KDM5B: variants seen among roughly 807,000 people sequenced by gnomAD.
The protein encoded by KDM5B is lysine demethylase 5B, also known as lysine-specific demethylase 5B.
Under a neutral mutation model 193.4 loss-of-function variants are expected in KDM5B, and 144 were observed. The ratio of observed to expected loss-of-function variants is 0.74; its 90% CI spans 0.65 to 0.86. KDM5B has a LOEUF of 0.86. Among genes scored for constraint, KDM5B ranks in the 40% least tolerant of loss-of-function variants. The pLI, the probability that KDM5B is intolerant of heterozygous loss-of-function variation, is 0.00. For synonymous variants in KDM5B, 668 were observed against 682.6 expected (o/e 0.98, Z 0.33); for missense variants, 1,833 against 1,886.9 (o/e 0.97, Z 0.53).
rs1047919808 is a variant in KDM5B, at chr1:202,794,154, G to T, written c.204+13948C>A. On this transcript the variant is annotated intron_variant, in intron 1 of 26. Transcript: ENST00000367265. The stretch of plus-strand genomic sequence containing the variant: ...AGATAACAGAATACAAATCCTAAGG[G>T]CTCCTACCTCCCATCTCTTCCAAGT... Among the ~76,000 whole-genome samples, 3 of 152,070 alleles carry T rather than the reference G, an allele frequency of 2.0e-5. No individual in the cohort carries two copies. The East Asian group carries it at 5.8e-4, about 29-fold the overall frequency.
At chr1:202,776,898 A>C (rs1656980804) in intron 2 of KDM5B, 119 bp downstream of exon 2, 5 of 747,558 alleles carry the variant, frequency 6.7e-6, no homozygotes, top group Non-Finnish European at 1.2e-5. Flanking sequence ...TATTTGCTCA[A>C]ATACAAATCT....
At chr1:202,805,458 T>C (rs577243570) in intron 1 of KDM5B, among the ~76,000 whole-genome samples, 23 of 152,318 alleles carry the variant, frequency 1.5e-4, no homozygotes, top group Admixed American at 2.0e-4. Context: ...TTAAGTACCA[T>C]TGGTAAAGAT....
chr1:202,726,810 T>TGATG lies in KDM5B; in HGVS notation c.*2222_*2225dup, dbSNP rs1188502556. 6.6e-6 allele frequency: 1 copy of TGATG among 152,190 alleles called. No individual in the cohort carries two copies. Among genetic ancestry groups the TGATG allele is most frequent in the African/African-American group, 2.4e-5 (1 of 41,442 alleles). The allele number at this position is 152,190 out of a possible 1,614,324, so 9.4% of individuals were successfully genotyped here. A position where few individuals can be genotyped will look rare whatever the true frequency, so the allele number is the denominator to read the frequency against. ...ACGTTATCTGTGTTCATTAGTAGTGTGATGGTGTACAAGGTAGGAGGAATA... is the reference window on the plus strand; with the variant it reads ...ACGTTATCTGTGTTCATTAGTAGTGTGATGGATGGTGTACAAGGTAGGAGGAATA... On this transcript the variant is annotated 3_prime_UTR_variant, in exon 27 of 27. Transcript: ENST00000367265.
chr1:202,746,153 T>C lies in KDM5B; in HGVS notation c.2187A>G (p.Lys729=), dbSNP rs1383772816. 1 of 1,608,002 alleles carries C rather than the reference T, an allele frequency of 6.2e-7. No individual in the cohort carries two copies. Among genetic ancestry groups the C allele is most frequent in the Admixed American group, 1.7e-5 (1 of 57,810 alleles). The change falls in exon 15 of 27, where the codon AAA becomes AAG. Residue 729 remains lysine (K), a synonymous_variant. Transcript: ENST00000367265. ...TTCTTCCTACTTACCGCAATTTATA[T>C]TTGTAAGGAGGACAGGAACACAATT... is the stretch of plus-strand genomic sequence containing the variant. ...VKELCSCPPY[K]YKLRYRYTLD... is the part of the protein sequence containing the mutation.
chr1:202,775,880 AT>A (rs1449439471), intron 2 of KDM5B, among the ~76,000 whole-genome samples: 11,948 of 61,606 alleles, frequency 0.19, 1,129 homozygotes, highest in Middle Eastern at 0.26. Flanking sequence ...AAAAAAAAAA[AT>A]ATATATATAT....
intron 6 of KDM5B, among the ~76,000 whole-genome samples, chr1:202,763,406 G>GGTTA (rs1190936895): frequency 1.2e-4 from 18 of 152,130 alleles, no homozygotes; most frequent in African/African-American, 3.4e-4. Context: ...ACATCTCTAA[G>GGTTA]GTTACATAAC....
rs971208277 is a variant in KDM5B at position 202,762,763 on chromosome 1, T to C, written c.854A>G (p.Lys285Arg). The C allele has an allele frequency of 8.1e-6, 13 of 1,612,222 alleles. No homozygotes were observed. The African/African-American group carries it at 1.5e-4, about 18-fold the overall frequency. ...CTTCTCATTTTCTACAATATAATCT[T>C]TCCTCTCAATAGGTTCTTGCTTGAT... The part of the protein sequence containing the change: ...SSIKQEPIER[K>R]DYIVENEKEK... The change falls in exon 7 of 27, where the codon AAA becomes AGA. Residue 285 changes from lysine (K) to arginine (R), a missense_variant. Lys to Arg is a conservative substitution (Grantham distance 26). Around this residue, in one of 3 missense-constraint regions of KDM5B, gnomAD observed 355 missense variants for 374.9 expected, o/e 0.95. Coordinates refer to ENST00000367265, the MANE Select transcript of KDM5B (RefSeq NM_006618.5).
At position 202,764,050 on chromosome 1, in the gene KDM5B, A is replaced by G. The variant is rs61749325; in HGVS notation, c.807T>C (p.Asn269=). ...RMGCPTPKCE[N]EKEMKSSIKQ... ...CTATTCATTGACAAATTTTCTTACC[A>G]TTTTCACATTTTGGAGTTGGACAAC... Residue 269 remains asparagine, a splice_region_variant and synonymous_variant, in exon 6 of 27, where the codon AAT becomes AAC. Transcript: ENST00000367265. The G allele has an allele frequency of 0.027, 41,684 of 1,530,616 alleles. 650 individuals are homozygous for G. Among genetic ancestry groups the G allele is most frequent in the Non-Finnish European group, 0.031 (34,496 of 1,122,372 alleles). 94.8% of individuals were successfully genotyped at this position (1,530,616 alleles called of 1,614,324 possible). A position where few individuals can be genotyped will look rare whatever the true frequency, so the allele number is the denominator to read the frequency against.
At chr1:202,776,878 GAAAT>G (rs1270648210) in intron 2 of KDM5B, 135 bp downstream of exon 2, 1 of 671,274 alleles carries the variant, frequency 1.5e-6, no homozygotes, top group African/African-American at 1.8e-5. Flanking sequence ...TCTACAGAAA[GAAAT>G]GTTCTTATTT....
intron 1 of KDM5B, among the ~76,000 whole-genome samples, chr1:202,794,485 T>C (rs976476283): frequency 6.6e-6 from 1 of 152,226 alleles, no homozygotes; most frequent in Non-Finnish European, 1.5e-5. Flanking sequence ...GTCAAGCCAG[T>C]GAGATGGCAA....
At chr1:202,732,057 A>AC in intron 23 of KDM5B, 118 bp from the exon 24 acceptor site, 4 of 636,746 alleles carry the variant, frequency 6.3e-6, no homozygotes, top group Admixed American at 3.3e-5. Context: ...AAAAAAAAAA[A>AC]CAACTTGATT....
At chr1:202,798,828 C>T (rs962116069) in intron 1 of KDM5B, among the ~76,000 whole-genome samples, 7 of 152,090 alleles carry the variant, frequency 4.6e-5, no homozygotes, top group African/African-American at 1.4e-4. Flanking sequence ...TCGAACCAGC[C>T]TCGGCAACAC....
At chr1:202,804,999 A>G (rs1427378677) in intron 1 of KDM5B, among the ~76,000 whole-genome samples, 2 of 152,212 alleles carry the variant, frequency 1.3e-5, no homozygotes, top group African/African-American at 4.8e-5. Context: ...GTATTTACTG[A>G]GCAGCCAACT....
chr1:202,756,649 G>C, intron 9 of KDM5B, 133 bp from the exon 10 acceptor site: 1 of 582,152 alleles, frequency 1.7e-6, no homozygotes, highest in Non-Finnish European at 2.7e-6. Context: ...TTGATCTTAG[G>C]CAATTCAGGA....
chr1:202,763,998 AT>A (rs752606946), intron 6 of KDM5B, 50 bp downstream of exon 6: 1 of 1,028,334 alleles, frequency 9.7e-7, no homozygotes, highest in Admixed American at 2.2e-5. Context: ...ATGAATAGTT[AT>A]TTTTACTTTA....
chr1:202,761,405 C>T (rs1291250254), intron 7 of KDM5B, among the ~76,000 whole-genome samples: 1 of 152,176 alleles, frequency 6.6e-6, no homozygotes, highest in African/African-American at 2.4e-5. Context: ...GATTGTGTCA[C>T]TATACTCCAG....
intron 20 of KDM5B, among the ~76,000 whole-genome samples, chr1:202,739,780 C>G (rs532099270): frequency 2.2e-4 from 34 of 152,300 alleles, no homozygotes; most frequent in Non-Finnish European, 1.2e-4. Context: ...TCAGAGAGCA[C>G]AGGGTTGGGG....
chr1:202,748,945 CA>C lies in KDM5B; in HGVS notation c.2015del (p.Leu672TrpfsTer3), dbSNP rs765797810. ...EKALRETVRK[L>X]GVIDSERMDF... is the part of the protein sequence containing the mutation. Reference sequence around the variant, plus strand: ...GCAGTTGGATTTCCATAAGCCTTACCAATTTACGGACAGTTTCTCTTAAAGC... The same window carrying C: ...GCAGTTGGATTTCCATAAGCCTTACCATTTACGGACAGTTTCTCTTAAAGC... On this transcript the variant is annotated frameshift_variant and splice_region_variant, in exon 14 of 27. Coordinates refer to ENST00000367265, the MANE Select transcript of KDM5B (RefSeq NM_006618.5). LOFTEE classifies it high-confidence loss of function. The C allele has an allele frequency of 6.2e-7, 1 of 1,607,002 alleles. No individual in the cohort carries two copies. Among genetic ancestry groups the C allele is most frequent in the Non-Finnish European group, 8.5e-7 (1 of 1,176,566 alleles).
Position 202,774,646 on chromosome 1 carries a change from C to T in KDM5B, c.372G>A (p.Glu124=), listed in dbSNP as rs1294827730. Residue 124 remains glutamate (E), a synonymous_variant, in exon 3 of 27, where the codon GAG becomes GAA. Coordinates refer to ENST00000367265, the MANE Select transcript of KDM5B (RefSeq NM_006618.5). The part of the protein sequence containing the change: ...QGSTLKIPHV[E]RKILDLFQLN... ...GCTGAAATAAGTCCAAGATCTTCCT[C>T]TCCACATGTGGAATTTTCAGAGTAC... The T allele has an allele frequency of 6.2e-7, 1 of 1,612,842 alleles. No individual in the cohort carries two copies. Among genetic ancestry groups the T allele is most frequent in the Non-Finnish European group, 8.5e-7 (1 of 1,178,838 alleles).
Sources: gnomAD v4.1 joint callset for allele counts (sites outside exome capture counted in the v4.1 genomes callset) on GRCh38, gnomAD v4.1.1 for gene constraint, gnomAD v4.1.1 regional missense constraint, MANE v1.5 for transcripts, NCBI Gene and HGNC (gene_info 2026-07-23, HGNC 2026-07-21) for gene names.